The following MECOM variants were observed in gnomAD, a reference collection of about 807,000 sequenced individuals.
MECOM encodes MDS1 and EVI1 complex locus, also known as histone-lysine N-methyltransferase MECOM.
A neutral mutation model predicts 116.3 loss-of-function variants in MECOM; 13 were observed. The ratio of observed to expected loss-of-function variants is 0.11; its 90% confidence interval spans 0.07 to 0.18. The LOEUF is 0.18. MECOM is among the 10% of genes least tolerant of loss of function. The probability of loss-of-function intolerance (pLI) is 1.00; values close to 1 mark genes in which losing one functional copy is unlikely to be tolerated. For synonymous variants in MECOM, 528 were observed against 535.2 expected, an observed-to-expected ratio of 0.99 and a Z score of 0.19; for missense variants, 1,299 against 1,509.0, an observed-to-expected ratio of 0.86 and a Z score of 2.31.
rs151222302 is a variant in MECOM, at chr3:169,084,452, C to A, written c.*457G>T. The A allele has an allele frequency of 1.3e-5, 3 of 232,556 alleles. No individual in the cohort carries two copies. Among genetic ancestry groups the A allele is most frequent in the Non-Finnish European group, 1.7e-5 (2 of 117,890 alleles). The allele number at this position is 232,556 out of a possible 1,614,324, so 14.4% of individuals were successfully genotyped here. A position where few individuals can be genotyped will look rare whatever the true frequency, so the allele number is the denominator to read the frequency against. ...AGGGTTAAATTACATAAAACTTTAA[C>A]GAAGAAAAAAATTAAATCTGTAATT... On this transcript the variant is annotated 3_prime_UTR_variant, in exon 17 of 17. Coordinates refer to ENST00000651503, the MANE Select transcript of MECOM (RefSeq NM_004991.4).
At chr3:169,359,235 A>G (rs141116666) in intron 2 of MECOM, among the ~76,000 whole-genome samples, 5 of 151,912 alleles carry the variant, frequency 3.3e-5, no homozygotes, top group African/African-American at 1.2e-4. Flanking sequence ...TGCAATTGGC[A>G]ATCAGTGCTC....
At chr3:169,219,047 A>G (rs1016272080) in intron 2 of MECOM, among the ~76,000 whole-genome samples, 5 of 152,052 alleles carry the variant, frequency 3.3e-5, no homozygotes, top group African/African-American at 1.2e-4. Context: ...GGCTTTTTGC[A>G]ACAACTATAA....
intron 1 of MECOM, among the ~76,000 whole-genome samples, chr3:169,479,491 C>A (rs1288748457): frequency 6.6e-6 from 1 of 151,970 alleles, no homozygotes; most frequent in Non-Finnish European, 1.5e-5. Flanking sequence ...AGGGCCAGAC[C>A]ATGCAAGGCT....
At chr3:169,429,256 C>T (rs1015445479) in intron 1 of MECOM, among the ~76,000 whole-genome samples, 1 of 152,182 alleles carries the variant, frequency 6.6e-6, no homozygotes, top group African/African-American at 2.4e-5. Flanking sequence ...TTCAATCAAG[C>T]TTCCTATTAA....
chr3:169,092,387 A>C (rs1441409008), intron 14 of MECOM, among the ~76,000 whole-genome samples: 1 of 151,958 alleles, frequency 6.6e-6, no homozygotes, highest in African/African-American at 2.4e-5. Flanking sequence ...TTCATATATA[A>C]ATGCATACAT....
chr3:169,102,001 C>G, intron 11 of MECOM, 59 bp downstream of exon 11: 1 of 1,514,698 alleles, frequency 6.6e-7, no homozygotes, highest in Non-Finnish European at 9.0e-7. Flanking sequence ...AACAGCAAGA[C>G]CTTTTGAAAT....
intron 2 of MECOM, among the ~76,000 whole-genome samples, chr3:169,301,791 A>T (rs368097044): frequency 1.2e-4 from 18 of 152,304 alleles, no homozygotes; most frequent in African/African-American, 4.3e-4. Flanking sequence ...CCAAGGTGAA[A>T]CTTACAAACT....
intron 1 of MECOM, chr3:169,483,928 G>A (rs989095951): frequency 2.3e-4 from 364 of 1,607,808 alleles, no homozygotes; most frequent in Non-Finnish European, 3.0e-4. Flanking sequence ...ATCCTTTCTT[G>A]CAAAAACTGC....
At chr3:169,393,302 A>G (rs977568445) in intron 1 of MECOM, among the ~76,000 whole-genome samples, 3 of 152,160 alleles carry the variant, frequency 2.0e-5, no homozygotes, top group South Asian at 2.1e-4. Flanking sequence ...ACCAATCTGG[A>G]GTAGGAGTTC....
chr3:169,651,003 T>C (rs1047085816), intron 1 of MECOM, among the ~76,000 whole-genome samples: 2 of 152,296 alleles, frequency 1.3e-5, no homozygotes, highest in African/African-American at 4.8e-5. Context: ...TTTATTTCTT[T>C]CTCTTGTCTG....
intron 1 of MECOM, among the ~76,000 whole-genome samples, chr3:169,559,502 C>T (rs974003254): frequency 6.6e-6 from 1 of 152,206 alleles, no homozygotes; most frequent in African/African-American, 2.4e-5. Flanking sequence ...CACCTGCACA[C>T]CTCCTGGGGT....
chr3:169,356,934 G>T (rs1008177095), intron 2 of MECOM, among the ~76,000 whole-genome samples: 1 of 151,824 alleles, frequency 6.6e-6, no homozygotes, highest in Admixed American at 6.6e-5. Flanking sequence ...CCACGCTAAG[G>T]CAAATGTTTT....
In MECOM at chr3:169,165,858, TA is replaced by T. The variant is rs771713201; in HGVS notation, c.376-22027del. Among the ~76,000 whole-genome samples, 4 of 152,170 alleles carry T rather than the reference TA, an allele frequency of 2.6e-5. No homozygotes were observed. In the East Asian group the frequency reaches 5.8e-4, roughly 22 times the overall value. ...GTTAAAATATGCTGGGTTATTTTTT[TA>T]AAAAATGTTTAGATAGCAGCTTTCA... On this transcript the variant is annotated intron_variant, in intron 2 of 16. Transcript: ENST00000651503.
chr3:169,107,201 A>T (rs934629718), intron 10 of MECOM, among the ~76,000 whole-genome samples: 1 of 152,168 alleles, frequency 6.6e-6, no homozygotes, highest in Non-Finnish European at 1.5e-5. Context: ...AAACACATAT[A>T]CTTAGAGAAT....
intron 1 of MECOM, among the ~76,000 whole-genome samples, chr3:169,640,371 T>C (rs1278026993): frequency 6.6e-6 from 1 of 152,146 alleles, no homozygotes; most frequent in Non-Finnish European, 1.5e-5. Flanking sequence ...TGAAAAGTCT[T>C]CTCCAAAACA....
chr3:169,632,809 A>T (rs1382483419), intron 1 of MECOM, among the ~76,000 whole-genome samples: 2 of 152,190 alleles, frequency 1.3e-5, no homozygotes, highest in Admixed American at 1.3e-4. Context: ...TGATTTTCCG[A>T]GGCCCTATCT....
At chr3:169,135,965 T>G (rs889540455) in intron 3 of MECOM, among the ~76,000 whole-genome samples, 1 of 151,874 alleles carries the variant, frequency 6.6e-6, no homozygotes, top group Non-Finnish European at 1.5e-5. Flanking sequence ...AAATCCAAAA[T>G]TGTTCAGTTT....
intron 1 of MECOM, among the ~76,000 whole-genome samples, chr3:169,464,763 A>C (rs908071715): frequency 6.6e-6 from 1 of 152,100 alleles, no homozygotes; most frequent in African/African-American, 2.4e-5. Flanking sequence ...AATTCAGGTG[A>C]GAAGAAGAGC....
chr3:169,122,818 A>T, intron 5 of MECOM, 91 bp from the exon 6 acceptor site: 1 of 1,436,972 alleles, frequency 7.0e-7, no homozygotes, highest in Non-Finnish European at 9.5e-7. Flanking sequence ...AATTAAAGAA[A>T]CAAGAAGGAA....
Sources: allele counts gnomAD v4.1 joint callset (sites outside exome capture counted in the v4.1 genomes callset), GRCh38; gene constraint gnomAD v4.1.1; transcripts MANE v1.5; gene names NCBI Gene and HGNC (gene_info 2026-07-23, HGNC 2026-07-21).